The following ST6GAL1 variants were observed in gnomAD, a reference collection of about 807,000 sequenced individuals.
ST6GAL1 encodes ST6 beta-galactoside alpha-2,6-sialyltransferase 1, also known as beta-galactoside alpha-2,6-sialyltransferase 1.
A neutral mutation model predicts 38.0 loss-of-function variants in ST6GAL1; 20 were observed. That is an observed-to-expected ratio of 0.53 (90% CI 0.37 to 0.77). The LOEUF (loss-of-function observed/expected upper bound fraction) is 0.77, where lower values mean the gene tolerates loss of function less well. Ranked by LOEUF, ST6GAL1 falls within the 30% of genes least tolerant of loss-of-function variation. The pLI is 0.00. For synonymous variants in ST6GAL1, 196 were observed against 188.2 expected, an observed-to-expected ratio of 1.04 and a Z score of -0.34; for missense variants, 432 against 496.4, an observed-to-expected ratio of 0.87 and a Z score of 1.23.
chr3:187,048,880 ATTTTT>A (rs374148828), intron 4 of ST6GAL1, among the ~76,000 whole-genome samples: 17 of 115,450 alleles, frequency 1.5e-4, no homozygotes, highest in Middle Eastern at 5.0e-3. Context: ...GAGAAATTGA[ATTTTT>A]TTTTTTTTTT....
Position 187,074,248 on chromosome 3 carries a change from C to T in ST6GAL1, c.894C>T (p.Pro298=). ...ATCAGCCCTTTTACATCCTCAAGCC[C>T]CAGATGCCTTGGGAGCTATGGGACA... ...HPNQPFYILK[P]QMPWELWDIL... The change falls in exon 7 of 8, where the codon CCC becomes CCT. Residue 298 remains proline (P), a synonymous_variant. Transcript: ENST00000169298. The T allele has an allele frequency of 1.9e-6, 3 of 1,612,762 alleles. No individual in the cohort carries two copies. Among genetic ancestry groups the T allele is most frequent in the Non-Finnish European group, 1.7e-6 (2 of 1,179,482 alleles).
chr3:187,038,148 T>C (rs534728866), intron 2 of ST6GAL1, among the ~76,000 whole-genome samples: 26 of 151,588 alleles, frequency 1.7e-4, no homozygotes, highest in Middle Eastern at 3.4e-3. Flanking sequence ...TGGTCCATGG[T>C]GGCCGCTTTA....
At chr3:186,996,967 A>C (rs1716432418) in intron 2 of ST6GAL1, among the ~76,000 whole-genome samples, 1 of 151,640 alleles carries the variant, frequency 6.6e-6, no homozygotes, top group Non-Finnish European at 1.5e-5. Context: ...ACCACCTCAC[A>C]CAGCACACTT....
At chr3:186,972,515 G>A (rs1022645453) in intron 2 of ST6GAL1, among the ~76,000 whole-genome samples, 2 of 152,066 alleles carry the variant, frequency 1.3e-5, no homozygotes, top group Non-Finnish European at 2.9e-5. Flanking sequence ...CTCCCAAAGT[G>A]TTGGGATTAC....
chr3:186,991,766 A>T (rs561613292), intron 2 of ST6GAL1, among the ~76,000 whole-genome samples: 85 of 152,002 alleles, frequency 5.6e-4, no homozygotes, highest in African/African-American at 2.0e-3. Flanking sequence ...TCATAACTCC[A>T]CTGCTGGGGG....
Position 187,042,907 on chromosome 3 carries a change from C to A in ST6GAL1, c.204C>A (p.Thr68=), listed in dbSNP as rs776707903. 38 of 1,614,158 alleles carry A rather than the reference C, an allele frequency of 2.4e-5. No homozygotes were observed. The highest frequency in any genetic ancestry group is 3.2e-5 in the Non-Finnish European group (38 of 1,180,030). The change falls in exon 4 of 8, where the codon ACC becomes ACA. Residue 68 remains threonine, a synonymous_variant. Transcript: ENST00000169298. ...SDSQSVSSSS[T]QDPHRGRQTL... ...CCCAGTCTGTATCCTCAAGCAGCAC[C>A]CAGGACCCCCACAGGGGCCGCCAGA...
At position 186,936,099 on chromosome 3, in the gene ST6GAL1, T is replaced by C. The variant is rs966973298; in HGVS notation, c.-325+5265T>C. 2.6e-5 allele frequency among the ~76,000 whole-genome samples: 4 copies of C among 152,140 alleles called. No homozygotes were observed. In the South Asian group the frequency reaches 8.3e-4, roughly 31 times the overall value. The stretch of plus-strand genomic sequence containing the variant: ...GCTCCACCACCCTTGCTTAAAACAC[T>C]TTTGGCTCTCCCTTAGAAATTGCCC... On this transcript the variant is annotated intron_variant, in intron 1 of 7. Coordinates refer to ENST00000169298, the MANE Select transcript of ST6GAL1 (RefSeq NM_173216.2).
At chr3:187,023,715 T>C (rs1464901365) in intron 2 of ST6GAL1, among the ~76,000 whole-genome samples, 1 of 151,746 alleles carries the variant, frequency 6.6e-6, no homozygotes, top group Non-Finnish European at 1.5e-5. Flanking sequence ...AAGGGGAACA[T>C]CACACACCGG....
At chr3:187,065,424 A>C (rs1719068509) in intron 5 of ST6GAL1, among the ~76,000 whole-genome samples, 1 of 152,332 alleles carries the variant, frequency 6.6e-6, no homozygotes, top group African/African-American at 2.4e-5. Context: ...TTTATAGAGA[A>C]TGGTGTCATA....
intron 1 of ST6GAL1, among the ~76,000 whole-genome samples, chr3:186,959,822 C>T (rs894266010): frequency 3.3e-5 from 5 of 152,222 alleles, no homozygotes; most frequent in Admixed American, 1.3e-4. Context: ...TATTTCACTT[C>T]CATATTCAAA....
chr3:186,950,188 A>G (rs1714529507), intron 1 of ST6GAL1, among the ~76,000 whole-genome samples: 1 of 152,148 alleles, frequency 6.6e-6, no homozygotes, highest in Non-Finnish European at 1.5e-5. Flanking sequence ...TAAAAGAATG[A>G]AGAAGAATCT....
chr3:186,967,338 CCT>C (rs535842506), intron 2 of ST6GAL1, among the ~76,000 whole-genome samples: 1,494 of 141,448 alleles, frequency 0.011, 23 homozygotes, highest in African/African-American at 0.038. Context: ...ATTACAGGCG[CCT>C]GCCACCACAC....
chr3:186,988,789 C>T (rs906357757), intron 2 of ST6GAL1, among the ~76,000 whole-genome samples: 6 of 152,056 alleles, frequency 3.9e-5, no homozygotes, highest in Admixed American at 1.3e-4. Context: ...TGGTGTGTGC[C>T]TGTATTCCCA....
At chr3:187,010,349 A>G (rs1041683085) in intron 2 of ST6GAL1, among the ~76,000 whole-genome samples, 7 of 152,156 alleles carry the variant, frequency 4.6e-5, no homozygotes, top group Non-Finnish European at 8.8e-5. Context: ...GGGAAAGTGT[A>G]TGTTATTATT....
chr3:186,946,913 C>G (rs1714390993), intron 1 of ST6GAL1, among the ~76,000 whole-genome samples: 1 of 151,962 alleles, frequency 6.6e-6, no homozygotes, highest in South Asian at 2.1e-4. Context: ...AATACGTTAT[C>G]AATCAGATGG....
At chr3:186,974,685 A>G (rs1715462012) in intron 2 of ST6GAL1, among the ~76,000 whole-genome samples, 1 of 150,008 alleles carries the variant, frequency 6.7e-6, no homozygotes, top group Non-Finnish European at 1.5e-5. Flanking sequence ...GATCTCATTA[A>G]TTAATTAATT....
At chr3:187,042,633 T>C (rs1295811417) in intron 3 of ST6GAL1, 21 bp from the exon 4 acceptor site, 1 of 1,529,796 alleles carries the variant, frequency 6.5e-7, no homozygotes, top group Non-Finnish European at 8.7e-7. Context: ...CATTTGTTTT[T>C]CCTTGTCTCA....
chr3:187,067,070 T>TTTC, intron 5 of ST6GAL1, among the ~76,000 whole-genome samples: 2 of 138,384 alleles, frequency 1.4e-5, no homozygotes, highest in South Asian at 2.4e-4. Flanking sequence ...TCTTCTTTTC[T>TTTC]TTCTTTCTTT....
Position 187,042,847 on chromosome 3 carries a change from A to G in ST6GAL1, c.144A>G (p.Leu48=). 1 of 1,614,184 alleles carries G rather than the reference A, an allele frequency of 6.2e-7. No individual in the cohort carries two copies. Among genetic ancestry groups the G allele is most frequent in the Non-Finnish European group, 8.5e-7 (1 of 1,180,034 alleles). The part of the protein sequence containing the change: ...FKLQTKEFQV[L]KSLGKLAMGS... ...TGCAAACCAAGGAATTCCAGGTGTTAAAGAGTCTGGGGAAATTGGCCATGG... is the reference window on the plus strand; with the variant it reads ...TGCAAACCAAGGAATTCCAGGTGTTGAAGAGTCTGGGGAAATTGGCCATGG... Residue 48 remains leucine (L), a synonymous_variant, in exon 4 of 8, where the codon TTA becomes TTG. Coordinates refer to ENST00000169298, the MANE Select transcript of ST6GAL1 (RefSeq NM_173216.2).
Sources: allele counts gnomAD v4.1 joint callset (sites outside exome capture counted in the v4.1 genomes callset), GRCh38; gene constraint gnomAD v4.1.1; transcripts MANE v1.5; gene names NCBI Gene and HGNC (gene_info 2026-07-23, HGNC 2026-07-21).